OSBPL8: variants seen among roughly 807,000 people sequenced by gnomAD.
The protein encoded by OSBPL8 is oxysterol binding protein like 8, also known as oxysterol-binding protein-related protein 8.
In OSBPL8, 59 loss-of-function variants were observed where a neutral mutation model predicts 125.5. The ratio of observed to expected loss-of-function variants is 0.47; its 90% CI spans 0.38 to 0.58. The LOEUF is 0.58. OSBPL8 is among the 20% of genes least tolerant of loss of function. OSBPL8 has a pLI of 0.00. For missense variants in OSBPL8, 758 were observed against 1,047.8 expected, an observed-to-expected ratio of 0.72 and a Z score of 3.82; for synonymous variants, 330 against 338.9, an observed-to-expected ratio of 0.97 and a Z score of 0.29.
At chr12:76,391,211 G>A (rs1474491665) in intron 10 of OSBPL8, among the ~76,000 whole-genome samples, 1 of 152,130 alleles carries the variant, frequency 6.6e-6, no homozygotes, top group African/African-American at 2.4e-5. Context: ...CGTCTGAAAG[G>A]TTTAATCCTG....
chr12:76,531,342 T>C (rs1430238854), intron 1 of OSBPL8, among the ~76,000 whole-genome samples: 2 of 152,164 alleles, frequency 1.3e-5, no homozygotes, highest in African/African-American at 4.8e-5. Context: ...TCCAAGCAGA[T>C]CAGCAATCTA....
chr12:76,541,035 ATCT>A (rs1460897069), intron 1 of OSBPL8, among the ~76,000 whole-genome samples: 1 of 152,208 alleles, frequency 6.6e-6, no homozygotes, highest in Non-Finnish European at 1.5e-5. Context: ...AGAGCTCCTG[ATCT>A]TTCATACCAA....
chr12:76,433,930 A>G (rs992322939), intron 4 of OSBPL8, among the ~76,000 whole-genome samples: 5 of 147,682 alleles, frequency 3.4e-5, no homozygotes, highest in African/African-American at 1.2e-4. Flanking sequence ...AGCCAAGATC[A>G]TGCCACTGCA....
chr12:76,395,251 A>G (rs1320364134), intron 8 of OSBPL8, among the ~76,000 whole-genome samples: 1 of 152,194 alleles, frequency 6.6e-6, no homozygotes, highest in African/African-American at 2.4e-5. Context: ...TGAAAGAAAA[A>G]GAAATTCTGT....
At chr12:76,521,765 G>A (rs905285861) in intron 1 of OSBPL8, among the ~76,000 whole-genome samples, 1 of 152,174 alleles carries the variant, frequency 6.6e-6, no homozygotes, top group African/African-American at 2.4e-5. Context: ...GAGACAGAAA[G>A]TGGAATGATG....
intron 1 of OSBPL8, among the ~76,000 whole-genome samples, chr12:76,492,844 T>A (rs1878864965): frequency 6.6e-6 from 1 of 152,000 alleles, no homozygotes; most frequent in African/African-American, 2.4e-5. Flanking sequence ...CCTGAAACCA[T>A]CACCGCCCTC....
At chr12:76,533,550 C>G (rs558090374) in intron 1 of OSBPL8, among the ~76,000 whole-genome samples, 16 of 152,176 alleles carry the variant, frequency 1.1e-4, no homozygotes, top group Non-Finnish European at 2.1e-4. Context: ...ATGAGGCAAA[C>G]ACAGGAGCAG....
At chr12:76,384,372 T>C (rs377279562) in intron 14 of OSBPL8, 22 bp from the exon 15 acceptor site, 22 of 1,237,256 alleles carry the variant, frequency 1.8e-5, no homozygotes, top group Non-Finnish European at 2.5e-5. Context: ...AAGAAAAACA[T>C]GCATATATAA....
At chr12:76,451,063 T>A in intron 3 of OSBPL8, 75 bp from the exon 4 acceptor site, 3 of 1,457,820 alleles carry the variant, frequency 2.1e-6, no homozygotes, top group Non-Finnish European at 2.8e-6. Context: ...TAACATGGAA[T>A]AAGATCAAAA....
Position 76,438,026 on chromosome 12 carries a change from G to A in OSBPL8, c.217+12825C>T, listed in dbSNP as rs200701115. Among the ~76,000 whole-genome samples, 6 of 151,752 alleles carry A rather than the reference G, an allele frequency of 4.0e-5. No homozygotes were observed. The East Asian group carries it at 5.8e-4, about 15-fold the overall frequency. ...TTTTGAGACGGAGTCTTGCTCTGTCGCCCAGGCTGGAGTGCAGTGGTGCGA... is the reference window on the plus strand; with the variant it reads ...TTTTGAGACGGAGTCTTGCTCTGTCACCCAGGCTGGAGTGCAGTGGTGCGA... On this transcript the variant is annotated intron_variant, in intron 4 of 23. Coordinates refer to ENST00000261183, the MANE Select transcript of OSBPL8 (RefSeq NM_020841.5).
intron 1 of OSBPL8, among the ~76,000 whole-genome samples, chr12:76,523,437 C>A (rs1458693616): frequency 2.0e-5 from 3 of 152,142 alleles, no homozygotes; most frequent in South Asian, 4.1e-4. Flanking sequence ...TATAAAAAGT[C>A]AATTCCTCAC....
intron 1 of OSBPL8, among the ~76,000 whole-genome samples, chr12:76,537,524 A>C (rs529516739): frequency 6.6e-6 from 1 of 152,348 alleles, no homozygotes; most frequent in East Asian, 1.9e-4. Context: ...GATAATAGTT[A>C]TAGTAATAAC....
intron 4 of OSBPL8, among the ~76,000 whole-genome samples, chr12:76,448,711 T>C (rs1379174304): frequency 1.3e-5 from 2 of 152,166 alleles, no homozygotes; most frequent in Non-Finnish European, 1.5e-5. Flanking sequence ...TAGATAAACA[T>C]TTTCTATTGA....
At chr12:76,529,600 C>G (rs1950277804) in intron 1 of OSBPL8, among the ~76,000 whole-genome samples, 1 of 151,738 alleles carries the variant, frequency 6.6e-6, no homozygotes, top group Admixed American at 6.6e-5. Context: ...AGATCTGTAT[C>G]TGAATACATC....
rs369183195 is a variant in OSBPL8, at chr12:76,356,983, T to G, written c.2435-255A>C. Among the ~76,000 whole-genome samples, 3 of 152,056 alleles carry G rather than the reference T, an allele frequency of 2.0e-5. No individual in the cohort carries two copies. In the East Asian group the frequency reaches 5.8e-4, roughly 29 times the overall value. On this transcript the variant is annotated intron_variant, in intron 22 of 23. Coordinates refer to ENST00000261183, the MANE Select transcript of OSBPL8 (RefSeq NM_020841.5). ...TTTTTTTAACTAATTAAAACAGAAA[T>G]AATTCATTAGAAATACATATTAACT...
At chr12:76,491,235 G>A (rs747259170) in intron 1 of OSBPL8, among the ~76,000 whole-genome samples, 19 of 152,154 alleles carry the variant, frequency 1.2e-4, no homozygotes, top group East Asian at 7.7e-4. Flanking sequence ...ATAAAACAGC[G>A]GCAGGGTTCG....
chr12:76,522,779 G>T lies in OSBPL8; in HGVS notation c.-67-35161C>A, dbSNP rs140402304. Among the ~76,000 whole-genome samples, 194 of 152,252 alleles carry T rather than the reference G, an allele frequency of 1.3e-3. 1 individual carries two copies. Among genetic ancestry groups the T allele is most frequent in the Middle Eastern group, 0.01 (3 of 294 alleles). On this transcript the variant is annotated intron_variant, in intron 1 of 23. Coordinates refer to ENST00000261183, the MANE Select transcript of OSBPL8 (RefSeq NM_020841.5). ...GCATTATTTTACAGAAACACAAAAT[G>T]AACTAAGACATATGATAAATAGACA...
chr12:76,407,559 T>C (rs904946124), intron 5 of OSBPL8, among the ~76,000 whole-genome samples: 1 of 152,166 alleles, frequency 6.6e-6, no homozygotes, highest in Non-Finnish European at 1.5e-5. Flanking sequence ...AATGTTAAAA[T>C]ATTTAAAGAC....
intron 5 of OSBPL8, among the ~76,000 whole-genome samples, chr12:76,404,200 C>T (rs538000634): frequency 6.6e-6 from 1 of 152,092 alleles, no homozygotes; most frequent in African/African-American, 2.4e-5. Flanking sequence ...ATTCCTCAAG[C>T]CAAACAGGTT....
Sources: allele counts gnomAD v4.1 joint callset (sites outside exome capture counted in the v4.1 genomes callset), GRCh38; gene constraint gnomAD v4.1.1; transcripts MANE v1.5; gene names NCBI Gene and HGNC (gene_info 2026-07-23, HGNC 2026-07-21).